Variants in EIF3D observed in about 807,000 individuals in gnomAD.
The protein encoded by EIF3D is eIF3 p66.
Under a neutral mutation model 75.4 loss-of-function variants are expected in EIF3D, and 10 were observed. That is an observed-to-expected ratio of 0.13 (90% CI 0.08 to 0.22). The LOEUF (loss-of-function observed/expected upper bound fraction) is 0.22, where lower values mean the gene tolerates loss of function less well. Among genes scored for constraint, EIF3D ranks in the 10% least tolerant of loss-of-function variants. EIF3D has a pLI of 1.00. For missense variants in EIF3D, 394 were observed against 708.0 expected, an observed-to-expected ratio of 0.56 and a Z score of 5.03; for synonymous variants, 246 against 248.3, an observed-to-expected ratio of 0.99 and a Z score of 0.09.
intron 12 of EIF3D, among the ~76,000 whole-genome samples, chr22:36,515,494 C>G (rs998554652): frequency 6.6e-6 from 1 of 152,144 alleles, no homozygotes; most frequent in African/African-American, 2.4e-5. Context: ...CACCGTTGCA[C>G]TCCAGCCTGG....
At chr22:36,518,662 AAGAC>A (rs1393296621) in intron 9 of EIF3D, 97 bp downstream of exon 9, 4 of 1,466,246 alleles carry the variant, frequency 2.7e-6, no homozygotes, top group Non-Finnish European at 3.7e-6. Flanking sequence ...TTCCCTTGGG[AAGAC>A]AGACCACTTT....
chr22:36,526,278 C>A, intron 1 of EIF3D, 147 bp from the exon 2 acceptor site: 2 of 795,910 alleles, frequency 2.5e-6, no homozygotes, highest in East Asian at 6.5e-5. Flanking sequence ...GCGACTACTA[C>A]TGTTTTTGTT....
chr22:36,525,744 G>A, intron 2 of EIF3D, 35 bp from the exon 3 acceptor site: 5 of 1,600,478 alleles, frequency 3.1e-6, no homozygotes, highest in Non-Finnish European at 3.4e-6. Context: ...GAATGCACAG[G>A]TCAACCAGGC....
chr22:36,525,958 C>T, intron 2 of EIF3D, 41 bp downstream of exon 2: 1 of 1,568,862 alleles, frequency 6.4e-7, no homozygotes, highest in South Asian at 1.2e-5. Context: ...GAGTAGCAGC[C>T]ACAGCTGCAA....
At chr22:36,528,663 A>C (rs950781686) in intron 1 of EIF3D, 6 of 151,866 alleles carry the variant, frequency 4.0e-5, no homozygotes. Context: ...TTTCACAAAA[A>C]AGGAAAGATA....
Position 36,518,868 on chromosome 22 carries a change from G to C in EIF3D, c.754C>G (p.Leu252Val). Residue 252 changes from leucine to valine, a missense_variant, in exon 9 of 15, where the codon CTG (leucine) becomes GTG (valine). Physicochemically the swap from Leu to Val is conservative, Grantham distance 32. Transcript: ENST00000216190. ...CGGGTACAGCTCATCAGCGTGGCCA[G>C]GATGGCATCAGTGGCAAACACATTC... is the stretch of plus-strand genomic sequence containing the variant. ...QGNVFATDAI[L>V]ATLMSCTRSV... The C allele has an allele frequency of 6.2e-7, 1 of 1,614,206 alleles. No individual in the cohort carries two copies. Among genetic ancestry groups the C allele is most frequent in the Non-Finnish European group, 8.5e-7 (1 of 1,180,034 alleles).
Position 36,523,996 on chromosome 22 carries a change from A to G in EIF3D, c.307-16T>C. 6.2e-7 allele frequency: 1 copy of G among 1,613,910 alleles called. No individual in the cohort carries two copies. The highest frequency in any genetic ancestry group is 8.5e-7 in the Non-Finnish European group (1 of 1,179,788). ...GGAGGTTCCTCTGGGCATCAGCAAG[A>G]AACATCCATGTTAAAATCTTGGAGA... On this transcript the variant is annotated splice_polypyrimidine_tract_variant and intron_variant, in intron 4 of 14. Coordinates refer to ENST00000216190, the MANE Select transcript of EIF3D (RefSeq NM_003753.4).
chr22:36,516,856 G>C, intron 10 of EIF3D, 66 bp from the exon 11 acceptor site: 1 of 1,443,580 alleles, frequency 6.9e-7, no homozygotes, highest in Middle Eastern at 1.8e-4. Context: ...CAATCAGTCA[G>C]ACCCAGCACC....
At chr22:36,527,281 C>G (rs1324329181) in intron 1 of EIF3D, among the ~76,000 whole-genome samples, 3 of 152,198 alleles carry the variant, frequency 2.0e-5, no homozygotes, top group Non-Finnish European at 2.9e-5. Context: ...TATCCGCACT[C>G]TCCAGATAAG....
At chr22:36,520,071 T>C (rs1337703822) in intron 7 of EIF3D, among the ~76,000 whole-genome samples, 1 of 152,206 alleles carries the variant, frequency 6.6e-6, no homozygotes, top group Non-Finnish European at 1.5e-5. Flanking sequence ...CCAAAAGAGT[T>C]GTATAACTCA....
At chr22:36,528,583 C>T (rs1407267129) in intron 1 of EIF3D, among the ~76,000 whole-genome samples, 1 of 123,194 alleles carries the variant, frequency 8.1e-6, no homozygotes, top group Non-Finnish European at 1.6e-5. Flanking sequence ...ATAAGCCGTC[C>T]ATCGCTGAAC....
chr22:36,525,957 C>A, intron 2 of EIF3D, 42 bp downstream of exon 2: 2 of 1,568,842 alleles, frequency 1.3e-6, no homozygotes, highest in South Asian at 1.2e-5. Context: ...AGAGTAGCAG[C>A]CACAGCTGCA....
Position 36,518,928 on chromosome 22 carries a change from G to T in EIF3D, c.712-18C>A. 1.2e-6 allele frequency: 2 copies of T among 1,613,066 alleles called. No individual in the cohort carries two copies. Among genetic ancestry groups the T allele is most frequent in the Non-Finnish European group, 1.7e-6 (2 of 1,179,246 alleles). On this transcript the variant is annotated intron_variant, in intron 8 of 14. Coordinates refer to ENST00000216190, the MANE Select transcript of EIF3D (RefSeq NM_003753.4). ...TTTGCCAGCTGCAAAGAGGATCAAA[G>T]AGAGAAGATGGAAAGACACTCCCAG...
chr22:36,520,917 AAAC>A (rs1183805972), intron 6 of EIF3D, among the ~76,000 whole-genome samples: 1 of 151,470 alleles, frequency 6.6e-6, no homozygotes, highest in Admixed American at 6.6e-5. Flanking sequence ...ATCCTGTCTC[AAAC>A]AACAACCACA....
chr22:36,521,631 A>G (rs1259910669), intron 6 of EIF3D, among the ~76,000 whole-genome samples: 1 of 152,148 alleles, frequency 6.6e-6, no homozygotes, highest in East Asian at 1.9e-4. Context: ...TAAACAAGAA[A>G]AGAAGCTCAT....
chr22:36,516,827 T>C (rs562285199), intron 10 of EIF3D, 37 bp from the exon 11 acceptor site: 3 of 1,598,830 alleles, frequency 1.9e-6, no homozygotes, highest in Non-Finnish European at 2.6e-6. Flanking sequence ...AGAGCTAACT[T>C]TGTTGACAAG....
At chr22:36,528,080 A>G (rs1386525127) in intron 1 of EIF3D, among the ~76,000 whole-genome samples, 2 of 152,168 alleles carry the variant, frequency 1.3e-5, no homozygotes, top group Non-Finnish European at 2.9e-5. Flanking sequence ...GCCCTATACC[A>G]GATAATTTAA....
chr22:36,519,656 G>A, intron 7 of EIF3D, 119 bp from the exon 8 acceptor site: 1 of 1,390,436 alleles, frequency 7.2e-7, no homozygotes, highest in African/African-American at 1.4e-5. Context: ...AGCAATCTCT[G>A]GCCAGAGCAG....
chr22:36,516,247 A>G, intron 12 of EIF3D: 1 of 453,904 alleles, frequency 2.2e-6, no homozygotes, highest in East Asian at 3.4e-5. Flanking sequence ...CGTAAAAAAT[A>G]AGCAGAAAAG....
Sources: gnomAD v4.1 joint callset for allele counts (sites outside exome capture counted in the v4.1 genomes callset) on GRCh38, gnomAD v4.1.1 for gene constraint, MANE v1.5 for transcripts, NCBI Gene and HGNC (gene_info 2026-07-23, HGNC 2026-07-21) for gene names.